Variants in PTPRM observed in about 807,000 individuals in gnomAD.
PTPRM encodes protein tyrosine phosphatase receptor type M.
In PTPRM, 47 loss-of-function variants were observed where a neutral mutation model predicts 186.7. The ratio of observed to expected loss-of-function variants is 0.25; its 90% CI spans 0.20 to 0.32. The LOEUF is 0.32. Ranked by LOEUF, PTPRM falls within the 10% of genes least tolerant of loss-of-function variation. The pLI is 1.00. For synonymous variants in PTPRM, 668 were observed against 674.9 expected (o/e 0.99, Z 0.16); for missense variants, 1,494 against 1,865.0 (o/e 0.80, Z 3.66).
chr18:7,578,402 C>G (rs1280575320), intron 1 of PTPRM, among the ~76,000 whole-genome samples: 1 of 142,112 alleles, frequency 7.0e-6, no homozygotes, highest in Admixed American at 7.5e-5. Flanking sequence ...ATGGCGTGAT[C>G]TTGGCTCACT....
intron 14 of PTPRM, among the ~76,000 whole-genome samples, chr18:8,147,834 T>C (rs2092920445): frequency 1.3e-5 from 2 of 152,236 alleles, no homozygotes; most frequent in African/African-American, 4.8e-5. Context: ...ATACCTAGCT[T>C]ATTCAGTTTT....
intron 18 of PTPRM, 41 bp downstream of exon 18, chr18:8,252,540 A>G (rs2094537701): frequency 2.6e-6 from 4 of 1,527,618 alleles, no homozygotes; most frequent in Non-Finnish European, 3.6e-6. Flanking sequence ...TTGTGGAGGG[A>G]GTGGGAGTGT....
At chr18:7,795,470 GA>G (rs35135572) in intron 2 of PTPRM, among the ~76,000 whole-genome samples, 4,909 of 129,210 alleles carry the variant, frequency 0.038, 145 homozygotes, top group African/African-American at 0.09. Flanking sequence ...GCTTGTTCTG[GA>G]AAAAAAAAAA....
At chr18:7,662,864 T>G (rs2039010553) in intron 1 of PTPRM, among the ~76,000 whole-genome samples, 1 of 152,094 alleles carries the variant, frequency 6.6e-6, no homozygotes, top group Non-Finnish European at 1.5e-5. Context: ...TTATAATGTA[T>G]CCACAAAAAA....
chr18:8,145,146 T>A (rs2092852280), intron 14 of PTPRM, among the ~76,000 whole-genome samples: 1 of 152,084 alleles, frequency 6.6e-6, no homozygotes, highest in Non-Finnish European at 1.5e-5. Flanking sequence ...TAGAAACAGT[T>A]AAGAGTTAAA....
intron 3 of PTPRM, among the ~76,000 whole-genome samples, chr18:7,903,210 A>G (rs1404586893): frequency 2.0e-5 from 3 of 152,372 alleles, no homozygotes; most frequent in East Asian, 3.9e-4. Flanking sequence ...GAATGAATGC[A>G]TGGATGAATA....
intron 1 of PTPRM, among the ~76,000 whole-genome samples, chr18:7,771,948 A>T (rs550419830): frequency 6.6e-6 from 1 of 152,246 alleles, no homozygotes; most frequent in Non-Finnish European, 1.5e-5. Flanking sequence ...ACTTTCTTAC[A>T]AAGTGGAGAG....
chr18:8,390,058 A>G (rs2095801374), intron 31 of PTPRM, among the ~76,000 whole-genome samples: 1 of 152,256 alleles, frequency 6.6e-6, no homozygotes, highest in African/African-American at 2.4e-5. Flanking sequence ...ACAGCTGCCG[A>G]AAGTATTAGG....
At chr18:8,400,416 A>T (rs2095865917) in intron 32 of PTPRM, among the ~76,000 whole-genome samples, 1 of 152,076 alleles carries the variant, frequency 6.6e-6, no homozygotes, top group Non-Finnish European at 1.5e-5. Flanking sequence ...GCCCACCCCC[A>T]ACTCCCGGGG....
intron 1 of PTPRM, among the ~76,000 whole-genome samples, chr18:7,752,958 A>G (rs1403980893): frequency 6.6e-6 from 1 of 151,992 alleles, no homozygotes; most frequent in Admixed American, 6.6e-5. Context: ...CCCCTCTTTA[A>G]AATAAAAAGT....
intron 1 of PTPRM, among the ~76,000 whole-genome samples, chr18:7,682,387 AT>A (rs1234604816): frequency 6.6e-6 from 1 of 152,224 alleles, no homozygotes; most frequent in African/African-American, 2.4e-5. Flanking sequence ...TGTGCATTCC[AT>A]TTCTTAAAGA....
chr18:8,323,258 C>T (rs1195454911), intron 22 of PTPRM, among the ~76,000 whole-genome samples: 1 of 152,106 alleles, frequency 6.6e-6, no homozygotes, highest in Non-Finnish European at 1.5e-5. Flanking sequence ...GAGCATCCTT[C>T]CTCACTTCTA....
intron 14 of PTPRM, among the ~76,000 whole-genome samples, chr18:8,169,796 T>C (rs1299904900): frequency 6.6e-6 from 1 of 152,318 alleles, no homozygotes; most frequent in Admixed American, 6.5e-5. Flanking sequence ...ATGTTATTTT[T>C]TTCTTAATGT....
At chr18:7,789,003 A>C (rs1393434501) in intron 2 of PTPRM, among the ~76,000 whole-genome samples, 3 of 152,124 alleles carry the variant, frequency 2.0e-5, no homozygotes, top group East Asian at 3.9e-4. Flanking sequence ...ACTGTGGAAT[A>C]GCTGTTATTG....
At chr18:8,014,687 A>G (rs915797529) in intron 7 of PTPRM, among the ~76,000 whole-genome samples, 1 of 152,238 alleles carries the variant, frequency 6.6e-6, no homozygotes, top group Non-Finnish European at 1.5e-5. Context: ...TAAATTAACA[A>G]GAATAAATTA....
intron 1 of PTPRM, among the ~76,000 whole-genome samples, chr18:7,684,723 C>T (rs1439623795): frequency 6.6e-6 from 1 of 152,142 alleles, no homozygotes; most frequent in Non-Finnish European, 1.5e-5. Context: ...GTATATGACA[C>T]AGTTTCTTTA....
At position 7,834,493 on chromosome 18, in the gene PTPRM, C is replaced by CACACACACACACACACAT. The variant is rs1555613413; in HGVS notation, c.197-53596_197-53595insTACACACACACACACACA. Among the ~76,000 whole-genome samples the CACACACACACACACACAT allele has an allele frequency of 7.5e-4, 103 of 138,098 alleles. 3 individuals are homozygous for CACACACACACACACACAT. The highest frequency in any genetic ancestry group is 2.7e-3 in the African/African-American group (96 of 35,926). 90.6% of individuals were successfully genotyped at this position (138,098 alleles called of 152,430 possible). A position where few individuals can be genotyped will look rare whatever the true frequency, so the allele number is the denominator to read the frequency against. On this transcript the variant is annotated intron_variant, in intron 2 of 32. Transcript: ENST00000580170. The stretch of plus-strand genomic sequence containing the variant: ...AAATACAGGCCAATATACAAGTATA[C>CACACACACACACACACAT]ACACACACACACACACACACACACA...
At chr18:7,652,985 C>T (rs2038754621) in intron 1 of PTPRM, among the ~76,000 whole-genome samples, 1 of 151,548 alleles carries the variant, frequency 6.6e-6, no homozygotes, top group East Asian at 1.9e-4. Context: ...ACAAATAACC[C>T]AGTTAAAAAA....
chr18:7,740,196 T>TC (rs2040859266), intron 1 of PTPRM, among the ~76,000 whole-genome samples: 1 of 152,104 alleles, frequency 6.6e-6, no homozygotes, highest in Admixed American at 6.5e-5. Context: ...ACCCCTCAGC[T>TC]CCAAGCTTGA....
Sources: allele counts gnomAD v4.1 joint callset (sites outside exome capture counted in the v4.1 genomes callset), GRCh38; gene constraint gnomAD v4.1.1; transcripts MANE v1.5; gene names NCBI Gene and HGNC (gene_info 2026-07-23, HGNC 2026-07-21).